The following KIF21A variants were observed in gnomAD, a reference collection of about 807,000 sequenced individuals.
KIF21A encodes kinesin family member 21A.
Under a neutral mutation model 202.9 loss-of-function variants are expected in KIF21A, and 114 were observed. The observed-to-expected ratio is 0.56, with a 90% CI of 0.48 to 0.66. KIF21A has a LOEUF of 0.66. Ranked by LOEUF, KIF21A falls within the 30% of genes least tolerant of loss-of-function variation. KIF21A has a pLI of 0.00. For synonymous variants in KIF21A, 667 were observed against 670.8 expected, an observed-to-expected ratio of 0.99 and a Z score of 0.09; for missense variants, 1,677 against 1,994.9, an observed-to-expected ratio of 0.84 and a Z score of 3.04.
At chr12:39,372,629 T>C (rs1200802627) in intron 1 of KIF21A, among the ~76,000 whole-genome samples, 1 of 152,238 alleles carries the variant, frequency 6.6e-6, no homozygotes. Context: ...AATGATATTA[T>C]AACAAACAAA....
chr12:39,327,928 C>T (rs1028946929), intron 24 of KIF21A, among the ~76,000 whole-genome samples: 2 of 152,250 alleles, frequency 1.3e-5, no homozygotes, highest in Admixed American at 6.5e-5. Context: ...TAAAGTTTCA[C>T]AGTCTCACTT....
chr12:39,401,581 T>C (rs1410929065), intron 1 of KIF21A, among the ~76,000 whole-genome samples: 1 of 152,184 alleles, frequency 6.6e-6, no homozygotes, highest in Non-Finnish European at 1.5e-5. Flanking sequence ...CTACAGATAC[T>C]TACTGAGGCA....
At chr12:39,303,772 A>T (rs1943194076) in intron 35 of KIF21A, among the ~76,000 whole-genome samples, 1 of 152,192 alleles carries the variant, frequency 6.6e-6, no homozygotes, top group South Asian at 2.1e-4. Context: ...GGTCATCTCC[A>T]ATTCCCCAAA....
At chr12:39,410,937 C>T (rs1953032008) in intron 1 of KIF21A, among the ~76,000 whole-genome samples, 5 of 152,092 alleles carry the variant, frequency 3.3e-5, no homozygotes, top group African/African-American at 1.2e-4. Flanking sequence ...AGAGAGAATG[C>T]TACCTGTCCT....
intron 1 of KIF21A, among the ~76,000 whole-genome samples, chr12:39,431,365 A>C (rs764339678): frequency 2.0e-5 from 3 of 152,336 alleles, no homozygotes; most frequent in Non-Finnish European, 2.9e-5. Flanking sequence ...TTTGGATTCA[A>C]GACACGGGGA....
chr12:39,339,223 G>A (rs557531393), intron 16 of KIF21A, among the ~76,000 whole-genome samples: 2 of 131,944 alleles, frequency 1.5e-5, no homozygotes, highest in African/African-American at 6.4e-5. Flanking sequence ...GCAACAGAGC[G>A]AGACTCCCTC....
Position 39,318,169 on chromosome 12 carries a change from G to A in KIF21A, c.3812C>T (p.Ser1271Leu), listed in dbSNP as rs1592110965. Reference protein sequence around the residue: ...SDSGTSEASLSPPSSPPSRPR... With the variant: ...SDSGTSEASLLPPSSPPSRPR... ...CCGGCTTGGTGGGGAAGAAGGAGGT[G>A]AAAGACTAGCCTCTGAAGTTCCAGA... Residue 1271 changes from serine to leucine, a missense_variant, in exon 29 of 38, where the codon TCA becomes TTA. By Grantham distance (145) the Ser-to-Leu change is moderately radical (BLOSUM62 -2). Around this residue, in one of 3 missense-constraint regions of KIF21A, gnomAD observed 705 missense variants for 791.9 expected, o/e 0.89. Transcript: ENST00000361418. 6.2e-7 allele frequency: 1 copy of A among 1,613,500 alleles called. No individual in the cohort carries two copies. Among genetic ancestry groups the A allele is most frequent in the Non-Finnish European group, 8.5e-7 (1 of 1,179,570 alleles).
intron 1 of KIF21A, among the ~76,000 whole-genome samples, chr12:39,384,429 G>A (rs1378264700): frequency 3.3e-5 from 5 of 152,104 alleles, no homozygotes; most frequent in Admixed American, 6.6e-5. Flanking sequence ...AAGAAAGCTC[G>A]ACAGAAGCTG....
intron 12 of KIF21A, among the ~76,000 whole-genome samples, chr12:39,344,037 T>C (rs1947680702): frequency 6.6e-6 from 1 of 152,164 alleles, no homozygotes; most frequent in East Asian, 1.9e-4. Flanking sequence ...ACAACAGTCT[T>C]AACTGGAAAT....
At chr12:39,441,850 T>C (rs572842569) in intron 1 of KIF21A, among the ~76,000 whole-genome samples, 18 of 152,230 alleles carry the variant, frequency 1.2e-4, no homozygotes, top group African/African-American at 4.3e-4. Flanking sequence ...TGGGAGATTG[T>C]TAATAGTTCC....
At chr12:39,378,368 G>A (rs1044592593) in intron 1 of KIF21A, among the ~76,000 whole-genome samples, 2 of 152,058 alleles carry the variant, frequency 1.3e-5, no homozygotes, top group Admixed American at 1.3e-4. Context: ...AATGCACATG[G>A]GCTGACAAAA....
At chr12:39,330,106 C>A in intron 24 of KIF21A, 136 bp downstream of exon 24, 2 of 749,332 alleles carry the variant, frequency 2.7e-6, no homozygotes, top group South Asian at 1.6e-5. Context: ...GGCATGGATA[C>A]ATTTCAAAAA....
chr12:39,343,737 G>A (rs1947648404), intron 12 of KIF21A, among the ~76,000 whole-genome samples: 1 of 152,134 alleles, frequency 6.6e-6, no homozygotes, highest in Non-Finnish European at 1.5e-5. Flanking sequence ...TTTATTTAGT[G>A]TCTGTATTTC....
intron 1 of KIF21A, among the ~76,000 whole-genome samples, chr12:39,436,630 T>C (rs1208934175): frequency 1.6e-5 from 2 of 121,308 alleles, no homozygotes; most frequent in African/African-American, 3.5e-5. Flanking sequence ...ACATTTTTAA[T>C]AATTGCAAAA....
rs1943830092 is a variant in KIF21A, at chr12:39,309,711, C to T, written c.4152G>A (p.Gly1384=). 1 of 1,613,328 alleles carries T rather than the reference C, an allele frequency of 6.2e-7. No homozygotes were observed. The highest frequency in any genetic ancestry group is 8.5e-7 in the Non-Finnish European group (1 of 1,179,688). ...CAGACACGACATTGTTGGGATGACC[C>T]CCCAGTGACATTATTTCCTGCCCAG... ...LVTGQEIMSL[G]GHPNNVVSVK... Residue 1384 remains glycine, a synonymous_variant, in exon 33 of 38, where the codon GGG becomes GGA. Transcript: ENST00000361418.
At chr12:39,400,412 C>T (rs945958681) in intron 1 of KIF21A, among the ~76,000 whole-genome samples, 2 of 152,136 alleles carry the variant, frequency 1.3e-5, no homozygotes, top group Non-Finnish European at 2.9e-5. Context: ...CATCCATTAG[C>T]TATTCTTCCT....
chr12:39,404,276 T>C (rs951590680), intron 1 of KIF21A, among the ~76,000 whole-genome samples: 11 of 152,160 alleles, frequency 7.2e-5, no homozygotes, highest in Admixed American at 7.2e-4. Flanking sequence ...AGGAGATTCT[T>C]AGACACACTA....
chr12:39,439,820 G>T (rs932111455), intron 1 of KIF21A, among the ~76,000 whole-genome samples: 2 of 152,078 alleles, frequency 1.3e-5, no homozygotes, highest in Non-Finnish European at 2.9e-5. Flanking sequence ...CCCTAAATGA[G>T]AATCTTTCTG....
chr12:39,341,505 C>A lies in KIF21A; in HGVS notation c.1921G>T (p.Ala641Ser). Reference protein sequence around the residue: ...DESDSESDEKANYQADLANIT... With the variant: ...DESDSESDEKSNYQADLANIT... ...TGCCCTTATACCAAAGGGCAAGTAC[C>A]TTTTTCATCTGATTCAGAATCTGAT... The change falls in exon 14 of 38, where the codon GCC becomes TCC. Residue 641 changes from alanine (A) to serine (S), a missense_variant and splice_region_variant. By Grantham distance (99) the Ala-to-Ser change is moderately conservative. Transcript: ENST00000361418. 1.2e-6 allele frequency: 2 copies of A among 1,612,748 alleles called. No homozygotes were observed. The highest frequency in any genetic ancestry group is 1.7e-6 in the Non-Finnish European group (2 of 1,179,524).
Sources: gnomAD v4.1 joint callset for allele counts (sites outside exome capture counted in the v4.1 genomes callset) on GRCh38, gnomAD v4.1.1 for gene constraint, gnomAD v4.1.1 regional missense constraint, MANE v1.5 for transcripts, NCBI Gene and HGNC (gene_info 2026-07-23, HGNC 2026-07-21) for gene names.